PTPRD: variants seen among roughly 807,000 people sequenced by gnomAD.
The protein encoded by PTPRD is receptor-type tyrosine-protein phosphatase delta.
A neutral mutation model predicts 214.5 loss-of-function variants in PTPRD; 34 were observed. The observed-to-expected ratio is 0.16, with a 90% CI of 0.12 to 0.21. PTPRD has a LOEUF of 0.21. Ranked by LOEUF, PTPRD falls within the 10% of genes least tolerant of loss-of-function variation. The pLI is 1.00. For missense variants in PTPRD, 2,545 were observed against 2,398.7 expected, an observed-to-expected ratio of 1.06 and a Z score of -1.27; for synonymous variants, 1,128 against 845.7, an observed-to-expected ratio of 1.33 and a Z score of -5.79.
In PTPRD at chr9:10,011,021, C is replaced by T. The variant is rs182888542; in HGVS notation, c.-472+22697G>A. ...TTAGGACATGGATATACTGCAAATC[C>T]TACAAAGTTGTTCATTTCATACAAA... On this transcript the variant is annotated intron_variant, in intron 4 of 45. Coordinates refer to ENST00000381196, the MANE Select transcript of PTPRD (RefSeq NM_002839.4). Among the ~76,000 whole-genome samples the T allele has an allele frequency of 2.6e-5, 4 of 152,022 alleles. No individual in the cohort carries two copies. The East Asian group carries it at 5.8e-4, about 22-fold the overall frequency.
chr9:8,563,438 T>C (rs2087338447), intron 14 of PTPRD, among the ~76,000 whole-genome samples: 1 of 129,414 alleles, frequency 7.7e-6, no homozygotes, highest in African/African-American at 4.0e-5. Context: ...GATGTAGACT[T>C]TTTTTTTTTT....
chr9:9,150,377 C>T (rs1409564176), intron 10 of PTPRD, among the ~76,000 whole-genome samples: 5 of 150,054 alleles, frequency 3.3e-5, no homozygotes, highest in Non-Finnish European at 7.4e-5. Context: ...CAGTCTTTTA[C>T]ATCATGGAGC....
At chr9:8,810,053 A>T (rs912339852) in intron 11 of PTPRD, among the ~76,000 whole-genome samples, 11 of 152,210 alleles carry the variant, frequency 7.2e-5, no homozygotes, top group African/African-American at 2.2e-4. Context: ...CCCCTAATGG[A>T]TATGACAAAC....
At chr9:9,791,746 C>A (rs371424177) in intron 5 of PTPRD, among the ~76,000 whole-genome samples, 3 of 152,046 alleles carry the variant, frequency 2.0e-5, no homozygotes, top group African/African-American at 7.2e-5. Flanking sequence ...TATATTGAGA[C>A]TTTTTTTGAT....
At chr9:8,922,021 G>A (rs72706223) in intron 11 of PTPRD, among the ~76,000 whole-genome samples, 2 of 151,826 alleles carry the variant, frequency 1.3e-5, no homozygotes, top group Non-Finnish European at 2.9e-5. Flanking sequence ...CAAAGGAGAA[G>A]TTATTACGCT....
intron 5 of PTPRD, among the ~76,000 whole-genome samples, chr9:9,906,308 G>A (rs770650837): frequency 3.3e-5 from 5 of 152,002 alleles, no homozygotes; most frequent in Admixed American, 6.6e-5. Context: ...TTTTTTGTAC[G>A]TATGTGATAC....
At chr9:10,529,573 T>TG (rs1350078390) in intron 2 of PTPRD, among the ~76,000 whole-genome samples, 4 of 51,404 alleles carry the variant, frequency 7.8e-5, no homozygotes, top group African/African-American at 7.7e-5. Context: ...TGTTGGGGGA[T>TG]GGGGGGCAAG....
chr9:10,029,974 T>C (rs1452277193), intron 4 of PTPRD, among the ~76,000 whole-genome samples: 1 of 152,132 alleles, frequency 6.6e-6, no homozygotes, highest in Non-Finnish European at 1.5e-5. Context: ...TGTGCTGTTC[T>C]CCTGATAGTA....
intron 5 of PTPRD, among the ~76,000 whole-genome samples, chr9:9,783,689 T>TTG (rs2098886277): frequency 6.6e-6 from 1 of 152,058 alleles, no homozygotes; most frequent in South Asian, 2.1e-4. Context: ...TCTACCTTCT[T>TTG]TTGCCAGTTC....
rs114508296 is a variant in PTPRD at position 9,364,820 on chromosome 9, A to C, written c.-203+32629T>G. Among the ~76,000 whole-genome samples, 865 of 151,450 alleles carry C rather than the reference A, an allele frequency of 5.7e-3. 9 individuals carry two copies. The highest frequency in any genetic ancestry group is 0.019 in the African/African-American group (804 of 41,396). ...GTGATGTGACCTGACTTCATTTCGG[A>C]AGGTTCAGTTTGTGCTGTGAGCAGT... is the stretch of plus-strand genomic sequence containing the variant. On this transcript the variant is annotated intron_variant, in intron 9 of 45. Coordinates refer to ENST00000381196, the MANE Select transcript of PTPRD (RefSeq NM_002839.4).
intron 5 of PTPRD, among the ~76,000 whole-genome samples, chr9:9,889,309 G>T (rs1017938255): frequency 1.3e-5 from 2 of 152,120 alleles, no homozygotes; most frequent in African/African-American, 4.8e-5. Flanking sequence ...TAATGAATGT[G>T]TTAACTAGCT....
At chr9:8,476,293 A>G (rs1175654328) in intron 30 of PTPRD, among the ~76,000 whole-genome samples, 1 of 152,158 alleles carries the variant, frequency 6.6e-6, no homozygotes, top group African/African-American at 2.4e-5. Context: ...AATAGGGTTC[A>G]TGTTCCTGAG....
intron 11 of PTPRD, among the ~76,000 whole-genome samples, chr9:8,809,026 G>A (rs985939337): frequency 6.6e-6 from 1 of 152,080 alleles, no homozygotes; most frequent in Non-Finnish European, 1.5e-5. Context: ...GAAAGTCAGA[G>A]ACCACTGTCC....
intron 39 of PTPRD, among the ~76,000 whole-genome samples, chr9:8,356,746 C>T (rs889998430): frequency 2.6e-5 from 4 of 152,110 alleles, no homozygotes; most frequent in African/African-American, 9.7e-5. Context: ...GGCTGATTTC[C>T]TTTCCTTATA....
intron 10 of PTPRD, among the ~76,000 whole-genome samples, chr9:9,157,298 AAC>A (rs1364413177): frequency 1.6e-4 from 24 of 152,106 alleles, no homozygotes; most frequent in Non-Finnish European, 2.8e-4. Context: ...AGATAAATGA[AAC>A]AGAGACCAGA....
At chr9:10,099,347 T>G (rs2154211419) in intron 3 of PTPRD, among the ~76,000 whole-genome samples, 1 of 151,734 alleles carries the variant, frequency 6.6e-6, no homozygotes, top group East Asian at 2.0e-4. Context: ...AAAGGGTTGG[T>G]GAGAATCACA....
intron 5 of PTPRD, among the ~76,000 whole-genome samples, chr9:9,784,201 T>C (rs1262545358): frequency 1.3e-5 from 2 of 152,116 alleles, no homozygotes. Flanking sequence ...TTAAGGGTCA[T>C]AGTTTAGGAA....
intron 7 of PTPRD, among the ~76,000 whole-genome samples, chr9:9,685,571 T>C (rs1010624071): frequency 1.3e-5 from 2 of 151,372 alleles, no homozygotes; most frequent in Non-Finnish European, 3.0e-5. Context: ...AAATAAATCT[T>C]AACAACCAAA....
intron 14 of PTPRD, among the ~76,000 whole-genome samples, chr9:8,584,298 C>T (rs2154255871): frequency 6.6e-6 from 1 of 152,210 alleles, no homozygotes; most frequent in Non-Finnish European, 1.5e-5. Flanking sequence ...AAAGAAATCC[C>T]TATCTATAAA....
Sources: gnomAD v4.1 joint callset for allele counts (sites outside exome capture counted in the v4.1 genomes callset) on GRCh38, gnomAD v4.1.1 for gene constraint, MANE v1.5 for transcripts, NCBI Gene and HGNC (gene_info 2026-07-23, HGNC 2026-07-21) for gene names.